Variants in APP observed in about 807,000 individuals in gnomAD.
The protein encoded by APP is amyloid beta precursor protein.
Under a neutral mutation model 101.4 loss-of-function variants are expected in APP, and 31 were observed. The observed-to-expected ratio is 0.31, with a 90% CI of 0.23 to 0.41. The LOEUF (loss-of-function observed/expected upper bound fraction) is 0.41. Ranked by LOEUF, APP falls within the 10% of genes least tolerant of loss-of-function variation. The pLI is 1.00. For missense variants in APP, 839 were observed against 1,003.7 expected (o/e 0.84, Z 2.22); for synonymous variants, 366 against 364.4 (o/e 1.00, Z -0.05).
chr21:26,098,331 A>C (rs1054431020), intron 2 of APP, among the ~76,000 whole-genome samples: 15 of 152,064 alleles, frequency 9.9e-5, no homozygotes, highest in South Asian at 4.1e-4. Flanking sequence ...TCTTCTCACT[A>C]TCTCTCCAAG....
intron 3 of APP, among the ~76,000 whole-genome samples, chr21:26,081,370 T>C (rs935104089): frequency 1.5e-4 from 19 of 125,312 alleles, no homozygotes; most frequent in African/African-American, 9.2e-5. Flanking sequence ...TAAAGGAAAA[T>C]TGCAGTCAAA....
At position 25,905,081 on chromosome 21, in the gene APP, G is replaced by C; in HGVS notation, c.1910-4C>G. 1 of 1,613,508 alleles carries C rather than the reference G, an allele frequency of 6.2e-7. No homozygotes were observed. The highest frequency in any genetic ancestry group is 8.5e-7 in the Non-Finnish European group (1 of 1,179,568). On this transcript the variant is annotated splice_polypyrimidine_tract_variant and splice_region_variant and intron_variant, in intron 14 of 17. Coordinates refer to ENST00000346798, the MANE Select transcript of APP (RefSeq NM_000484.4). ...GGGCGGGCATCAACAGGCTCAACTG[G>C]GCACAGGAAGCAAGGGACACAGAAA...
rs1440702581 is a variant in APP, at chr21:25,911,772, A to G, written c.1878T>C (p.Ala626=). The change falls in exon 14 of 18, where the codon GCT becomes GCC. Residue 626 remains alanine, a synonymous_variant. Coordinates refer to ENST00000346798, the MANE Select transcript of APP (RefSeq NM_000484.4). The part of the protein sequence containing the change: ...DDLQPWHSFG[A]DSVPANTENE... Reference sequence around the variant, plus strand: ...TTTCTGTGTTGGCTGGCACAGAGTCAGCCCCAAAAGAATGCCACGGCTGGA... The same window carrying G: ...TTTCTGTGTTGGCTGGCACAGAGTCGGCCCCAAAAGAATGCCACGGCTGGA... 1.2e-6 allele frequency: 2 copies of G among 1,614,116 alleles called. No individual in the cohort carries two copies. Among genetic ancestry groups the G allele is most frequent in the East Asian group, 4.5e-5 (2 of 44,854 alleles).
intron 1 of APP, among the ~76,000 whole-genome samples, chr21:26,140,920 A>C (rs142494058): frequency 2.0e-5 from 3 of 152,328 alleles, no homozygotes; most frequent in Admixed American, 6.5e-5. Context: ...GAAACAATTC[A>C]TTTAATGGAG....
At chr21:26,102,002 A>G (rs770035128) in intron 2 of APP, among the ~76,000 whole-genome samples, 1 of 151,280 alleles carries the variant, frequency 6.6e-6, no homozygotes, top group Non-Finnish European at 1.5e-5. Context: ...GAAGAAATAG[A>G]TTCTTGAGAT....
intron 1 of APP, among the ~76,000 whole-genome samples, chr21:26,143,634 T>C (rs1268468845): frequency 1.3e-5 from 2 of 152,198 alleles, no homozygotes; most frequent in African/African-American, 4.8e-5. Context: ...TATTAACTAG[T>C]CACTAGGCTG....
chr21:26,127,281 A>C (rs901901202), intron 1 of APP, among the ~76,000 whole-genome samples: 1 of 152,308 alleles, frequency 6.6e-6, no homozygotes, highest in South Asian at 2.1e-4. Flanking sequence ...TAGGGTTCCA[A>C]GACCAAGCAA....
chr21:25,961,661 T>C (rs1332170932), intron 11 of APP, among the ~76,000 whole-genome samples: 1 of 152,218 alleles, frequency 6.6e-6, no homozygotes, highest in East Asian at 1.9e-4. Flanking sequence ...CTAGTGAGGT[T>C]TATTTTATTA....
At position 25,889,935 on chromosome 21, in the gene APP, A is replaced by T. The variant is rs186354581; in HGVS notation, c.2211+1787T>A. Among the ~76,000 whole-genome samples, 9 of 152,360 alleles carry T rather than the reference A, an allele frequency of 5.9e-5. No individual in the cohort carries two copies. In the East Asian group the frequency reaches 1.7e-3, roughly 29 times the overall value. On this transcript the variant is annotated intron_variant, in intron 17 of 17. Transcript: ENST00000346798. ...AACAGCAGCAAAAAAGGGGTCTTGA[A>T]TTACTCAAGTATGAAGACATCTTTA...
chr21:26,053,923 A>G (rs1489553758), intron 3 of APP, among the ~76,000 whole-genome samples: 1 of 152,254 alleles, frequency 6.6e-6, no homozygotes, highest in Non-Finnish European at 1.5e-5. Context: ...AAATCTTTAA[A>G]GAAAATGTAT....
intron 13 of APP, among the ~76,000 whole-genome samples, chr21:25,951,168 T>G (rs1416532169): frequency 6.6e-6 from 1 of 152,204 alleles, no homozygotes; most frequent in Non-Finnish European, 1.5e-5. Flanking sequence ...ACAAGCATGA[T>G]GAACCCTATG....
At position 26,111,357 on chromosome 21, in the gene APP, G is replaced by A. The variant is rs142283277; in HGVS notation, c.225+622C>T. Among the ~76,000 whole-genome samples the A allele has an allele frequency of 1.7e-3, 263 of 152,258 alleles. 1 individual carries two copies. Among genetic ancestry groups the A allele is most frequent in the Non-Finnish European group, 2.6e-3 (176 of 68,022 alleles). The stretch of plus-strand genomic sequence containing the variant: ...ACAAATGAACTAAAATATGTATCAA[G>A]CTGGTAACAGAAAAAAATTAATGCT... On this transcript the variant is annotated intron_variant, in intron 2 of 17. Coordinates refer to ENST00000346798, the MANE Select transcript of APP (RefSeq NM_000484.4).
intron 11 of APP, among the ~76,000 whole-genome samples, chr21:25,956,349 C>A (rs1386383980): frequency 2.0e-5 from 3 of 152,204 alleles, no homozygotes; most frequent in Admixed American, 1.3e-4. Context: ...TCTAAGCTAT[C>A]AGATTCTAAT....
intron 1 of APP, among the ~76,000 whole-genome samples, chr21:26,122,750 T>TTTTA (rs199555991): frequency 6.6e-6 from 1 of 151,062 alleles, no homozygotes; most frequent in Non-Finnish European, 1.5e-5. Flanking sequence ...TAATAAAATT[T>TTTTA]TTTTATTAAA....
At chr21:26,004,884 T>C (rs1475020678) in intron 6 of APP, among the ~76,000 whole-genome samples, 1 of 144,554 alleles carries the variant, frequency 6.9e-6, no homozygotes, top group Non-Finnish European at 1.5e-5. Context: ...TTTCCACCTA[T>C]GAGTGAGAAC....
At chr21:26,168,897 A>T (rs961568957) in intron 1 of APP, among the ~76,000 whole-genome samples, 4 of 152,240 alleles carry the variant, frequency 2.6e-5, no homozygotes, top group Non-Finnish European at 4.4e-5. Context: ...CAAATTAGAA[A>T]CTAAAAAACT....
intron 17 of APP, 49 bp from the exon 18 acceptor site, chr21:25,881,820 A>G: frequency 6.4e-7 from 1 of 1,557,770 alleles, no homozygotes; most frequent in Non-Finnish European, 8.8e-7. Flanking sequence ...CAATCTTTTA[A>G]GGGTGAACAT....
chr21:26,052,754 C>T (rs1320847965), intron 4 of APP, among the ~76,000 whole-genome samples: 1 of 152,030 alleles, frequency 6.6e-6, no homozygotes, highest in Non-Finnish European at 1.5e-5. Flanking sequence ...ACTGTATTCA[C>T]TAATAGATAA....
chr21:26,132,407 T>C lies in APP; in HGVS notation c.58-20261A>G, dbSNP rs187513221. 9.8e-4 allele frequency among the ~76,000 whole-genome samples: 149 copies of C among 152,330 alleles called. No homozygotes were observed. In the East Asian group the frequency reaches 0.024, roughly 25 times the overall value. On this transcript the variant is annotated intron_variant, in intron 1 of 17. Coordinates refer to ENST00000346798, the MANE Select transcript of APP (RefSeq NM_000484.4). Reference sequence around the variant, plus strand: ...AGACATTTCAGCAAACTGAAGTTCATTCAAATCAAAATCTACAAAAAGAAC... The same window carrying C: ...AGACATTTCAGCAAACTGAAGTTCACTCAAATCAAAATCTACAAAAAGAAC...
Sources: allele counts gnomAD v4.1 joint callset (sites outside exome capture counted in the v4.1 genomes callset), GRCh38; gene constraint gnomAD v4.1.1; transcripts MANE v1.5; gene names NCBI Gene and HGNC (gene_info 2026-07-23, HGNC 2026-07-21).